The following DENND5A variants were observed in gnomAD, a reference collection of about 807,000 sequenced individuals.
DENND5A encodes DENN domain containing 5A, also known as DENN domain-containing protein 5A.
A neutral mutation model predicts 140.3 loss-of-function variants in DENND5A; 64 were observed. The observed-to-expected ratio is 0.46, with a 90% CI of 0.37 to 0.56. The LOEUF is 0.56. Among genes scored for constraint, DENND5A ranks in the 20% least tolerant of loss-of-function variants. The pLI is 0.00. For synonymous variants in DENND5A, 605 were observed against 607.7 expected (o/e 1.00, Z 0.07); for missense variants, 1,292 against 1,593.8 (o/e 0.81, Z 3.22).
Position 9,185,303 on chromosome 11 carries a change from A to AT in DENND5A, c.1138-4220dup, listed in dbSNP as rs74441654. Among the ~76,000 whole-genome samples the AT allele has an allele frequency of 9.9e-5, 15 of 151,870 alleles. No individual in the cohort carries two copies. In the South Asian group the frequency reaches 1.3e-3, roughly 13 times the overall value. ...CCAGAAGTCAGAAAGGTATTTATTA[A>AT]TTTTTTTTTCCACAAGATTTAAACT... On this transcript the variant is annotated intron_variant, in intron 5 of 22. Transcript: ENST00000328194.
rs150663913 is a variant in DENND5A at position 9,169,914 on chromosome 11, C to A, written c.2093G>T (p.Arg698Leu). ...TKRNAPAQWR[R>L]KDRQKQHTEH... ...TGTGTGCTGCTTCTGCCGATCTTTC[C>A]GCCTCCACTGGGCAGGGGCATTCCT... is the stretch of plus-strand genomic sequence containing the variant. Residue 698 changes from arginine to leucine, a missense_variant, in exon 10 of 23, where the codon CGG (arginine) becomes CTG (leucine). Arg to Leu is a moderately radical substitution (Grantham distance 102, BLOSUM62 -2). Around this residue, in one of 4 missense-constraint regions of DENND5A, gnomAD observed 199 missense variants for 189.1 expected, o/e 1.05. Coordinates refer to ENST00000328194, the MANE Select transcript of DENND5A (RefSeq NM_015213.4). 8 of 1,613,836 alleles carry A rather than the reference C, an allele frequency of 5.0e-6. No homozygotes were observed. The Admixed American group carries it at 5.0e-5, about 10-fold the overall frequency.
intron 1 of DENND5A, among the ~76,000 whole-genome samples, chr11:9,241,648 A>T (rs1851238345): frequency 6.6e-6 from 1 of 151,884 alleles, no homozygotes; most frequent in African/African-American, 2.4e-5. Flanking sequence ...CATATGGCTC[A>T]CTCCTTTGAC....
intron 1 of DENND5A, among the ~76,000 whole-genome samples, chr11:9,243,397 T>C (rs759205008): frequency 7.2e-5 from 11 of 152,102 alleles, no homozygotes; most frequent in Admixed American, 2.0e-4. Flanking sequence ...AAGAAAGGGA[T>C]TACACACTAC....
rs547252426 is a variant in DENND5A at position 9,265,086 on chromosome 11, C to T, written c.-17G>A. ...GCCACTCATGGCGCCGGGGCCGAGA[C>T]CGGCCGGGCAGTGCGGAGCGGCACC... is the stretch of plus-strand genomic sequence containing the variant. On this transcript the variant is annotated 5_prime_UTR_variant, in exon 1 of 23. Coordinates refer to ENST00000328194, the MANE Select transcript of DENND5A (RefSeq NM_015213.4). The surrounding 1 kb of genome is among the most constrained non-coding windows in gnomAD (Gnocchi z 4.7). 6.7e-7 allele frequency: 1 copy of T among 1,495,112 alleles called. No individual in the cohort carries two copies. Among genetic ancestry groups the T allele is most frequent in the African/African-American group, 1.5e-5 (1 of 68,030 alleles). The allele number at this position is 1,495,112 out of a possible 1,614,324, so 92.6% of individuals were successfully genotyped here.
chr11:9,200,708 C>G (rs1590267471), intron 4 of DENND5A, among the ~76,000 whole-genome samples: 1 of 152,322 alleles, frequency 6.6e-6, no homozygotes, highest in East Asian at 1.9e-4. Context: ...CCCAACCATT[C>G]CACACCACTT....
At chr11:9,167,475 TA>T (rs547949319) in intron 10 of DENND5A, among the ~76,000 whole-genome samples, 8,918 of 119,306 alleles carry the variant, frequency 0.075, 318 homozygotes, top group South Asian at 0.12. Context: ...GATGAAAGAT[TA>T]AAAAAAAAAA....
intron 1 of DENND5A, among the ~76,000 whole-genome samples, chr11:9,236,465 G>A (rs1404087776): frequency 1.3e-5 from 2 of 152,004 alleles, no homozygotes; most frequent in Admixed American, 6.6e-5. Flanking sequence ...CCAGGAGGCA[G>A]AGGTTGTGGT....
intron 1 of DENND5A, among the ~76,000 whole-genome samples, chr11:9,217,042 A>C (rs1488558604): frequency 6.6e-6 from 1 of 152,178 alleles, no homozygotes; most frequent in African/African-American, 2.4e-5. Context: ...TCTCAAAAAA[A>C]TAAATACGAA....
chr11:9,226,989 A>G (rs1239789668), intron 1 of DENND5A, among the ~76,000 whole-genome samples: 1 of 151,916 alleles, frequency 6.6e-6, no homozygotes, highest in African/African-American at 2.4e-5. Flanking sequence ...ACCAACATGG[A>G]GAAACCCTGT....
At chr11:9,145,267 T>C in intron 17 of DENND5A, 154 bp from the exon 18 acceptor site, 1 of 640,522 alleles carries the variant, frequency 1.6e-6, no homozygotes, top group Non-Finnish European at 2.8e-6. Context: ...AGAACTGCGG[T>C]ACAGCACTAT....
At chr11:9,226,352 G>A (rs1178129490) in intron 1 of DENND5A, among the ~76,000 whole-genome samples, 1 of 152,104 alleles carries the variant, frequency 6.6e-6, no homozygotes, top group Non-Finnish European at 1.5e-5. Context: ...CTCTCATTCA[G>A]AGCAATTAAA....
intron 1 of DENND5A, among the ~76,000 whole-genome samples, chr11:9,255,981 G>A (rs963528128): frequency 4.0e-5 from 6 of 149,914 alleles, no homozygotes; most frequent in South Asian, 4.2e-4. Flanking sequence ...AGCCAAGATC[G>A]CGCCATTGCA....
At chr11:9,239,259 C>T (rs1299170906) in intron 1 of DENND5A, among the ~76,000 whole-genome samples, 2 of 151,572 alleles carry the variant, frequency 1.3e-5, no homozygotes, top group Admixed American at 6.6e-5. Context: ...CTCAAATTCA[C>T]GGGCTCAAGC....
chr11:9,194,893 G>GT (rs1286883430), intron 4 of DENND5A, among the ~76,000 whole-genome samples: 2 of 149,564 alleles, frequency 1.3e-5, no homozygotes, highest in African/African-American at 2.5e-5. Flanking sequence ...CTAATTTTGT[G>GT]TTTTTGGTAG....
intron 7 of DENND5A, 70 bp from the exon 8 acceptor site, chr11:9,178,436 T>A: frequency 1.1e-6 from 1 of 930,666 alleles, no homozygotes; most frequent in South Asian, 1.4e-5. Flanking sequence ...AGGGATCCAG[T>A]AGGTTAATTA....
rs751470886 is a variant in DENND5A at position 9,204,181 on chromosome 11, CTAG to C, written c.425_427del (p.Thr142del). 1 of 1,614,144 alleles carries C rather than the reference CTAG, an allele frequency of 6.2e-7. No homozygotes were observed. The highest frequency in any genetic ancestry group is 1.1e-5 in the South Asian group (1 of 91,084). On this transcript the variant is annotated inframe_deletion, in exon 4 of 23. Coordinates refer to ENST00000328194, the MANE Select transcript of DENND5A (RefSeq NM_015213.4). The stretch of plus-strand genomic sequence containing the variant: ...CTGCATTGCACTGCAGATCTGCTTG[CTAG>C]TCACCTCTTCATAAAATGTGAGGGC...
intron 4 of DENND5A, among the ~76,000 whole-genome samples, chr11:9,194,518 G>A (rs996454908): frequency 2.6e-5 from 4 of 151,038 alleles, no homozygotes; most frequent in South Asian, 2.1e-4. Flanking sequence ...GCAGTGAGCC[G>A]AGACTGCACA....
intron 2 of DENND5A, 151 bp from the exon 3 acceptor site, chr11:9,206,933 A>G (rs1849710373): frequency 1.6e-6 from 1 of 623,102 alleles, no homozygotes; most frequent in African/African-American, 1.8e-5. Context: ...TAGGAAAGGC[A>G]TTAAAGTTAT....
chr11:9,160,562 C>T (rs577424300), intron 12 of DENND5A, 151 bp downstream of exon 12: 26 of 567,112 alleles, frequency 4.6e-5, no homozygotes, highest in African/African-American at 4.2e-4. Context: ...GTTTGGATCA[C>T]ATTTATTTAA....
Sources: allele counts gnomAD v4.1 joint callset (sites outside exome capture counted in the v4.1 genomes callset), GRCh38; gene constraint gnomAD v4.1.1; regional missense constraint gnomAD v4.1.1; non-coding constraint Gnocchi (gnomAD v3.1); transcripts MANE v1.5; gene names NCBI Gene and HGNC (gene_info 2026-07-23, HGNC 2026-07-21).